FAT4: variants seen among roughly 807,000 people sequenced by gnomAD.
FAT4 encodes the protein protocadherin Fat 4.
In FAT4, 84 loss-of-function variants were observed where a neutral mutation model predicts 303.9. That is an observed-to-expected ratio of 0.28 (90% confidence interval 0.23 to 0.33). The LOEUF (loss-of-function observed/expected upper bound fraction) is 0.33. Ranked by LOEUF, FAT4 falls within the 10% of genes least tolerant of loss-of-function variation. FAT4 has a pLI of 1.00. For missense variants in FAT4, 6,005 were observed against 6,146.8 expected (o/e 0.98, Z 0.77); for synonymous variants, 2,307 against 2,298.8 (o/e 1.00, Z -0.10).
In FAT4 at chr4:125,319,635, G is replaced by C; in HGVS notation, c.3224G>C (p.Arg1075Thr). 1 of 1,613,904 alleles carries C rather than the reference G, an allele frequency of 6.2e-7. No individual in the cohort carries two copies. Among genetic ancestry groups the C allele is most frequent in the South Asian group, 1.1e-5 (1 of 91,066 alleles). The change falls in exon 2 of 18, where the codon AGA becomes ACA. Residue 1075 changes from arginine (R) to threonine (T), a missense_variant. Physicochemically the swap from Arg to Thr is moderately conservative, Grantham distance 71 (BLOSUM62 -1). Transcript: ENST00000394329. ...RYVLMVVASDRAVEPLSATVN... is the reference protein window; with the variant it reads ...RYVLMVVASDTAVEPLSATVN... ...GTTTTAATGGTTGTTGCTTCTGACAGAGCAGTGGAACCCCTTAGTGCTACT... is the reference window on the plus strand; with the variant it reads ...GTTTTAATGGTTGTTGCTTCTGACACAGCAGTGGAACCCCTTAGTGCTACT...
In FAT4 at chr4:125,320,542, A is replaced by T; in HGVS notation, c.4131A>T (p.Lys1377Asn). 1 of 1,614,044 alleles carries T rather than the reference A, an allele frequency of 6.2e-7. No individual in the cohort carries two copies. The highest frequency in any genetic ancestry group is 8.5e-7 in the Non-Finnish European group (1 of 1,179,938). ...CTGGGAGTATTTTTCTTGCCAAAAA[A>T]CTGGACTTTGAAACACAGTCTTTGT... ...PNTGSIFLAK[K>N]LDFETQSLYK... is the part of the protein sequence containing the mutation. Residue 1377 changes from lysine to asparagine, a missense_variant, in exon 2 of 18, where the codon AAA becomes AAT. Transcript: ENST00000394329.
At position 125,318,213 on chromosome 4, in the gene FAT4, A is replaced by G. The variant is rs377156485; in HGVS notation, c.1802A>G (p.Glu601Gly). 93 of 1,614,206 alleles carry G rather than the reference A, an allele frequency of 5.8e-5. No individual in the cohort carries two copies. The highest frequency in any genetic ancestry group is 3.3e-4 in the Middle Eastern group (2 of 6,062). The change falls in exon 2 of 18, where the codon GAA (glutamate) becomes GGA (glycine). Residue 601 changes from glutamate (E) to glycine (G), a missense_variant. By Grantham distance (98) the Glu-to-Gly change is moderately conservative. Transcript: ENST00000394329. Reference sequence around the variant, plus strand: ...GTTGAGAATGCCCCAACAGGGACAGAACTGTTGATGCTCAGGGCAACTGAC... The same window carrying G: ...GTTGAGAATGCCCCAACAGGGACAGGACTGTTGATGCTCAGGGCAACTGAC... ...SVVENAPTGTELLMLRATDGD... is the reference protein window; with the variant it reads ...SVVENAPTGTGLLMLRATDGD...
At chr4:125,467,462 C>T (rs536250033) in intron 11 of FAT4, among the ~76,000 whole-genome samples, 14 of 152,246 alleles carry the variant, frequency 9.2e-5, no homozygotes, top group African/African-American at 3.1e-4. Flanking sequence ...CAATCATTTG[C>T]CACAGTCTAC....
At chr4:125,460,672 A>T (rs537644393) in intron 10 of FAT4, among the ~76,000 whole-genome samples, 28 of 152,106 alleles carry the variant, frequency 1.8e-4, no homozygotes, top group Admixed American at 3.3e-4. Flanking sequence ...CATTTTCTTT[A>T]TCCAATCTGT....
At chr4:125,335,347 G>A (rs1731530453) in intron 2 of FAT4, among the ~76,000 whole-genome samples, 1 of 151,974 alleles carries the variant, frequency 6.6e-6, no homozygotes, top group Non-Finnish European at 1.5e-5. Flanking sequence ...GTTGATGATG[G>A]GGTTGAGGTA....
chr4:125,368,671 T>C (rs1732983590), intron 2 of FAT4, among the ~76,000 whole-genome samples: 1 of 151,600 alleles, frequency 6.6e-6, no homozygotes, highest in Admixed American at 6.6e-5. Flanking sequence ...CATACACACA[T>C]GACATCTGGC....
intron 7 of FAT4, among the ~76,000 whole-genome samples, chr4:125,431,698 A>G (rs1393594415): frequency 1.3e-5 from 2 of 152,146 alleles, no homozygotes; most frequent in Admixed American, 6.5e-5. Context: ...TTTAGTGAGT[A>G]GAGTGAAATA....
rs1347311877 is a variant in FAT4 at position 125,450,462 on chromosome 4, C to T, written c.9452C>T (p.Ala3151Val). The T allele has an allele frequency of 6.2e-7, 1 of 1,613,944 alleles. No individual in the cohort carries two copies. The highest frequency in any genetic ancestry group is 8.5e-7 in the Non-Finnish European group (1 of 1,180,006). The stretch of plus-strand genomic sequence containing the variant: ...TCTTCTACAGGTATATTAACACTAG[C>T]CAAAGCTCTTGATTATGAGCTATGC... ...INSSTGILTL[A>V]KALDYELCQK... The change falls in exon 10 of 18, where the codon GCC becomes GTC. Residue 3151 changes from alanine to valine, a missense_variant. By Grantham distance (64) the Ala-to-Val change is moderately conservative. Transcript: ENST00000394329.
chr4:125,448,910 A>G lies in FAT4; in HGVS notation c.7900A>G (p.Ile2634Val). ...TAGTCAACCTCTGGATTTTGAAAAG[A>G]TACAAAAATATGTTGTATGGATAGA... is the stretch of plus-strand genomic sequence containing the variant. ...SISQPLDFEK[I>V]QKYVVWIEAR... The change falls in exon 10 of 18, where the codon ATA (isoleucine) becomes GTA (valine). Residue 2634 changes from isoleucine to valine, a missense_variant. By Grantham distance (29) the Ile-to-Val change is conservative. Coordinates refer to ENST00000394329, the MANE Select transcript of FAT4 (RefSeq NM_001291303.3). 1 of 1,612,422 alleles carries G rather than the reference A, an allele frequency of 6.2e-7. No individual in the cohort carries two copies. The highest frequency in any genetic ancestry group is 8.5e-7 in the Non-Finnish European group (1 of 1,179,630).
Position 125,320,343 on chromosome 4 carries a change from A to G in FAT4, c.3932A>G (p.Asn1311Ser), listed in dbSNP as rs1730882304. Residue 1311 changes from asparagine to serine, a missense_variant, in exon 2 of 18, where the codon AAT becomes AGT. Physicochemically the swap from Asn to Ser is conservative, Grantham distance 46. Transcript: ENST00000394329. The stretch of plus-strand genomic sequence containing the variant: ...ATTGATATTTTAGATGAAAATGACA[A>G]TACCCCTTCTTTCCCTAAATCAACA... ...LNIDILDEND[N>S]TPSFPKSTLF... is the part of the protein sequence containing the mutation. 1 of 1,613,778 alleles carries G rather than the reference A, an allele frequency of 6.2e-7. No homozygotes were observed.
chr4:125,399,129 CACTT>C (rs1464569794), intron 3 of FAT4, among the ~76,000 whole-genome samples: 1 of 152,060 alleles, frequency 6.6e-6, no homozygotes, highest in African/African-American at 2.4e-5. Context: ...ATCCACAACT[CACTT>C]GCTGCTTGCA....
chr4:125,347,950 A>G (rs1369011335), intron 2 of FAT4, among the ~76,000 whole-genome samples: 5 of 151,754 alleles, frequency 3.3e-5, no homozygotes, highest in Non-Finnish European at 7.4e-5. Flanking sequence ...TACCCTCTGC[A>G]TCTATTATTT....
chr4:125,338,333 G>A (rs555662203), intron 2 of FAT4, among the ~76,000 whole-genome samples: 10 of 152,104 alleles, frequency 6.6e-5, no homozygotes, highest in Middle Eastern at 3.2e-3. Flanking sequence ...AAGGATTTCC[G>A]AATTAGAAGG....
At chr4:125,489,345 C>T (rs1410580448) in intron 17 of FAT4, among the ~76,000 whole-genome samples, 2 of 152,102 alleles carry the variant, frequency 1.3e-5, no homozygotes, top group East Asian at 3.9e-4. Context: ...AATGTTAACA[C>T]CAGAGGTATG....
intron 2 of FAT4, among the ~76,000 whole-genome samples, chr4:125,390,350 A>G (rs1317047589): frequency 6.6e-6 from 1 of 152,146 alleles, no homozygotes; most frequent in Non-Finnish European, 1.5e-5. Context: ...CTCATATTCC[A>G]CACTCTACAC....
Position 125,492,598 on chromosome 4 carries a change from T to A in FAT4, c.*830T>A, listed in dbSNP as rs1334791839. 1 of 152,586 alleles carries A rather than the reference T, an allele frequency of 6.6e-6. No homozygotes were observed. Among genetic ancestry groups the A allele is most frequent in the Non-Finnish European group, 1.5e-5 (1 of 68,026 alleles). The allele number at this position is 152,586 out of a possible 1,614,324, so 9.5% of individuals were successfully genotyped here. A position where few individuals can be genotyped will look rare whatever the true frequency, so the allele number is the denominator to read the frequency against. On this transcript the variant is annotated 3_prime_UTR_variant, in exon 18 of 18. Transcript: ENST00000394329. ...AAAGAATTGACCTAAGGAAAGCTTATGATTGGACTTATTTTCCAACCAGAT... is the reference window on the plus strand; with the variant it reads ...AAAGAATTGACCTAAGGAAAGCTTAAGATTGGACTTATTTTCCAACCAGAT...
chr4:125,349,139 A>T (rs1411458388), intron 2 of FAT4, among the ~76,000 whole-genome samples: 1 of 151,800 alleles, frequency 6.6e-6, no homozygotes, highest in Non-Finnish European at 1.5e-5. Flanking sequence ...ATGGAAGAAA[A>T]TATAAAAGGC....
rs138403046 is a variant in FAT4 at position 125,434,357 on chromosome 4, A to C, written c.7131A>C (p.Ala2377=). 1.2e-5 allele frequency: 20 copies of C among 1,613,976 alleles called. No individual in the cohort carries two copies. The highest frequency in any genetic ancestry group is 1.4e-5 in the Non-Finnish European group (17 of 1,179,976). Residue 2377 remains alanine (A), a synonymous_variant, in exon 8 of 18, where the codon GCA becomes GCC. Coordinates refer to ENST00000394329, the MANE Select transcript of FAT4 (RefSeq NM_001291303.3). ...ATTTCACAACAATTCCTGAGGATGCACCAACTGGAACAGATGTTTTATTGG... is the reference window on the plus strand; with the variant it reads ...ATTTCACAACAATTCCTGAGGATGCCCCAACTGGAACAGATGTTTTATTGG... The part of the protein sequence containing the change: ...KAYFTTIPED[A]PTGTDVLLVN...
chr4:125,415,767 C>A lies in FAT4; in HGVS notation c.6804C>A (p.Val2268=). ...VFELSPYSVN[V]PENLGTLPRT... ...AGCTATCTCCATATTCTGTAAATGT[C>A]CCTGAGAATTTAGGGACACTACCCA... The change falls in exon 6 of 18, where the codon GTC becomes GTA. Residue 2268 remains valine (V), a synonymous_variant. Transcript: ENST00000394329. 1.2e-6 allele frequency: 2 copies of A among 1,613,548 alleles called. No homozygotes were observed. Among genetic ancestry groups the A allele is most frequent in the South Asian group, 2.2e-5 (2 of 91,050 alleles).
Sources: allele counts gnomAD v4.1 joint callset (sites outside exome capture counted in the v4.1 genomes callset), GRCh38; gene constraint gnomAD v4.1.1; transcripts MANE v1.5; gene names NCBI Gene and HGNC (gene_info 2026-07-23, HGNC 2026-07-21).